EXOC4: variants seen among roughly 807,000 people sequenced by gnomAD.
EXOC4 encodes the protein exocyst complex component 4, also known as SEC8-like 1.
In EXOC4, 71 loss-of-function variants were observed where a neutral mutation model predicts 107.2. That is an observed-to-expected ratio of 0.66 (90% CI 0.55 to 0.81). EXOC4 has a LOEUF of 0.81. Among genes scored for constraint, EXOC4 ranks in the 30% least tolerant of loss-of-function variants. The pLI is 0.00. For synonymous variants in EXOC4, 456 were observed against 441.2 expected (o/e 1.03, Z -0.42); for missense variants, 1,108 against 1,189.6 (o/e 0.93, Z 1.01).
At chr7:133,555,365 G>T (rs1800671770) in intron 9 of EXOC4, among the ~76,000 whole-genome samples, 1 of 152,006 alleles carries the variant, frequency 6.6e-6, no homozygotes, top group African/African-American at 2.4e-5. Flanking sequence ...TGAGTAATAT[G>T]TATATGTTCC....
Position 133,340,423 on chromosome 7 carries a change from CTTTT to C in EXOC4, c.764-15894_764-15891del, listed in dbSNP as rs200341512. ...TGGAATTCAGTTAGCTAGTATTTTT[CTTTT>C]TTTTTTTTTTTTGAGGATTTTTGTA... On this transcript the variant is annotated intron_variant, in intron 5 of 17. Coordinates refer to ENST00000253861, the MANE Select transcript of EXOC4 (RefSeq NM_021807.4). Among the ~76,000 whole-genome samples, 3 of 129,562 alleles carry C rather than the reference CTTTT, an allele frequency of 2.3e-5. No individual in the cohort carries two copies. In the East Asian group the frequency reaches 6.9e-4, roughly 30 times the overall value. The allele number at this position is 129,562 out of a possible 152,430, so 85.0% of individuals were successfully genotyped here.
At chr7:134,090,148 C>A in the EXOC4 span, among the ~76,000 whole-genome samples, 1 of 152,132 alleles carries the variant, frequency 6.6e-6, no homozygotes, top group South Asian at 2.1e-4. Flanking sequence ...AATCAAAGCT[C>A]TTTCATATAT....
intron 14 of EXOC4, among the ~76,000 whole-genome samples, chr7:133,969,288 C>G (rs1459228016): frequency 6.6e-6 from 1 of 152,118 alleles, no homozygotes; most frequent in Non-Finnish European, 1.5e-5. Context: ...TTAGAACATG[C>G]TACTTTACCT....
intron 9 of EXOC4, chr7:133,577,009 T>C (rs774219454): frequency 7.5e-5 from 35 of 468,536 alleles, no homozygotes; most frequent in Admixed American, 4.6e-4. Flanking sequence ...TTTTCATTTA[T>C]TATTAAGTAG....
At chr7:133,574,591 G>A (rs888372266) in intron 9 of EXOC4, among the ~76,000 whole-genome samples, 1 of 152,168 alleles carries the variant, frequency 6.6e-6, no homozygotes. Flanking sequence ...TTGCTGAGCT[G>A]CAACCACTGA....
chr7:133,469,254 A>G lies in EXOC4; in HGVS notation c.1183-6074A>G, dbSNP rs530732870. On this transcript the variant is annotated intron_variant, in intron 7 of 17. Transcript: ENST00000253861. ...AACACGGTGAAACCCCATCTCTACT[A>G]AAAATACAAAAATTAGCCTGGTGTG... is the stretch of plus-strand genomic sequence containing the variant. Among the ~76,000 whole-genome samples the G allele has an allele frequency of 7.2e-5, 11 of 152,184 alleles. No homozygotes were observed. The South Asian group carries it at 2.1e-3, about 29-fold the overall frequency.
chr7:133,307,121 C>T (rs1006829189), intron 4 of EXOC4, among the ~76,000 whole-genome samples: 10 of 152,258 alleles, frequency 6.6e-5, no homozygotes, highest in South Asian at 2.1e-4. Flanking sequence ...AAGCAGTGCA[C>T]GCTGGGAATG....
At chr7:133,474,532 T>TG (rs2150847625) in intron 7 of EXOC4, among the ~76,000 whole-genome samples, 1 of 151,802 alleles carries the variant, frequency 6.6e-6, no homozygotes, top group Non-Finnish European at 1.5e-5. Context: ...AGGCTGGTCT[T>TG]GAACTTCTGG....
At chr7:133,506,134 T>TGGATGACA (rs889350906) in intron 9 of EXOC4, among the ~76,000 whole-genome samples, 1 of 152,172 alleles carries the variant, frequency 6.6e-6, no homozygotes, top group African/African-American at 2.4e-5. Flanking sequence ...ATTTGGCAGT[T>TGGATGACA]GGATGACAGG....
chr7:133,534,777 T>G (rs1040787306), intron 9 of EXOC4, among the ~76,000 whole-genome samples: 1 of 152,184 alleles, frequency 6.6e-6, no homozygotes, highest in Admixed American at 6.5e-5. Context: ...CATATTTTCC[T>G]TTGGTCTCAT....
At chr7:133,881,267 C>G (rs372942980) in intron 11 of EXOC4, among the ~76,000 whole-genome samples, 14 of 151,518 alleles carry the variant, frequency 9.2e-5, no homozygotes, top group African/African-American at 3.2e-4. Context: ...TACATACCCC[C>G]CCAACCCCAC....
intron 9 of EXOC4, among the ~76,000 whole-genome samples, chr7:133,608,473 T>G (rs1030024944): frequency 2.0e-5 from 3 of 151,930 alleles, no homozygotes; most frequent in African/African-American, 7.3e-5. Flanking sequence ...TAGGAGTGCA[T>G]TGTACTAAAG....
chr7:133,549,083 A>G (rs1349673721), intron 9 of EXOC4, among the ~76,000 whole-genome samples: 8 of 152,320 alleles, frequency 5.3e-5, no homozygotes, highest in East Asian at 1.9e-4. Context: ...GGCTCACCGT[A>G]ACCTCCACCT....
chr7:133,682,977 T>G (rs1794219461), intron 10 of EXOC4, among the ~76,000 whole-genome samples: 1 of 152,130 alleles, frequency 6.6e-6, no homozygotes, highest in African/African-American at 2.4e-5. Flanking sequence ...AACAAGTTGG[T>G]TTTCTGATCT....
intron 14 of EXOC4, among the ~76,000 whole-genome samples, chr7:133,986,863 A>G (rs1794127215): frequency 6.6e-6 from 1 of 152,062 alleles, no homozygotes; most frequent in Admixed American, 6.6e-5. Context: ...GGTGTCTGAC[A>G]CTCAACTGTG....
intron 11 of EXOC4, among the ~76,000 whole-genome samples, chr7:133,877,242 C>T (rs909654305): frequency 6.6e-6 from 1 of 152,180 alleles, no homozygotes; most frequent in African/African-American, 2.4e-5. Flanking sequence ...TGTCTATTAT[C>T]TGTGTCATCC....
chr7:133,601,673 C>G (rs1324158326), intron 9 of EXOC4, among the ~76,000 whole-genome samples: 1 of 152,232 alleles, frequency 6.6e-6, no homozygotes, highest in Non-Finnish European at 1.5e-5. Flanking sequence ...CTAGCAGTTT[C>G]TGCCTTCCTT....
At chr7:133,617,052 G>T (rs555074565) in intron 9 of EXOC4, among the ~76,000 whole-genome samples, 10 of 152,184 alleles carry the variant, frequency 6.6e-5, no homozygotes, top group African/African-American at 2.4e-4. Context: ...GTTAGACAGA[G>T]AACTTTGTTT....
intron 10 of EXOC4, among the ~76,000 whole-genome samples, chr7:133,793,354 C>A (rs2113336): frequency 0.38 from 57,077 of 151,938 alleles, 13,339 homozygotes; most frequent in Admixed American, 0.55. Context: ...TGTGGACTAA[C>A]ACTTGTGTGC....
Sources: allele counts gnomAD v4.1 joint callset (sites outside exome capture counted in the v4.1 genomes callset), GRCh38; gene constraint gnomAD v4.1.1; transcripts MANE v1.5; gene names NCBI Gene and HGNC (gene_info 2026-07-23, HGNC 2026-07-21).